OGDH: variants seen among roughly 807,000 people sequenced by gnomAD.
The protein encoded by OGDH is oxoglutarate dehydrogenase.
A neutral mutation model predicts 116.6 loss-of-function variants in OGDH; 38 were observed. That is an observed-to-expected ratio of 0.33 (90% CI 0.25 to 0.43). OGDH has a LOEUF of 0.43. Among genes scored for constraint, OGDH ranks in the 20% least tolerant of loss-of-function variants. OGDH has a pLI of 1.00. For missense variants in OGDH, 825 were observed against 1,357.2 expected, an observed-to-expected ratio of 0.61 and a Z score of 6.16; for synonymous variants, 488 against 533.3, an observed-to-expected ratio of 0.92 and a Z score of 1.17.
Position 44,645,338 on chromosome 7 carries a change from T to C in OGDH, c.234T>C (p.Ile78=). ...TTCTTTGTCTTTAGTCATGGGACATTTTTTTTCGCAACACGAATGCCGGAG... is the reference window on the plus strand; with the variant it reads ...TTCTTTGTCTTTAGTCATGGGACATCTTTTTTCGCAACACGAATGCCGGAG... ...NPKSVHKSWD[I]FFRNTNAGAP... The change falls in exon 3 of 23, where the codon ATT becomes ATC. Residue 78 remains isoleucine, a synonymous_variant. Transcript: ENST00000222673. The C allele has an allele frequency of 6.2e-7, 1 of 1,614,010 alleles. No homozygotes were observed. The highest frequency in any genetic ancestry group is 1.3e-5 in the African/African-American group (1 of 75,030).
intron 9 of OGDH, among the ~76,000 whole-genome samples, chr7:44,679,584 G>A (rs1787842960): frequency 6.6e-6 from 1 of 152,212 alleles, no homozygotes; most frequent in Admixed American, 6.5e-5. Context: ...GTAGGCTGAG[G>A]ACACAGCAGG....
chr7:44,633,601 C>T (rs1785540140), intron 2 of OGDH, among the ~76,000 whole-genome samples: 1 of 152,228 alleles, frequency 6.6e-6, no homozygotes, highest in Admixed American at 6.5e-5. Flanking sequence ...ATTCTCATAT[C>T]TCTTCGCGTC....
intron 20 of OGDH, among the ~76,000 whole-genome samples, chr7:44,703,421 AC>A (rs974445003): frequency 7.3e-4 from 110 of 150,058 alleles, no homozygotes; most frequent in African/African-American, 2.7e-3. Context: ...ACAAAACAAA[AC>A]AAAAAAGACT....
intron 2 of OGDH, among the ~76,000 whole-genome samples, chr7:44,635,373 T>C (rs1379044316): frequency 6.6e-6 from 1 of 152,170 alleles, no homozygotes; most frequent in Non-Finnish European, 1.5e-5. Flanking sequence ...CATCAACTTA[T>C]CAGCTGTGCG....
chr7:44,661,561 A>G (rs1585310677), intron 4 of OGDH, among the ~76,000 whole-genome samples: 1 of 151,662 alleles, frequency 6.6e-6, no homozygotes, highest in Non-Finnish European at 1.5e-5. Flanking sequence ...TTTTAAACCC[A>G]CATTTAAAAA....
chr7:44,673,721 C>A, intron 5 of OGDH, 66 bp from the exon 6 acceptor site: 5 of 1,511,676 alleles, frequency 3.3e-6, no homozygotes, highest in South Asian at 2.3e-5. Flanking sequence ...AATGGGCAGT[C>A]GGCAGTCTTC....
At chr7:44,616,575 A>G (rs376064776) in intron 1 of OGDH, among the ~76,000 whole-genome samples, 2 of 151,320 alleles carry the variant, frequency 1.3e-5, no homozygotes, top group Non-Finnish European at 2.9e-5. Flanking sequence ...TGAACTTTTT[A>G]TATCACTAGT....
intron 1 of OGDH, among the ~76,000 whole-genome samples, chr7:44,612,800 A>G (rs1387474636): frequency 6.6e-6 from 1 of 152,018 alleles, no homozygotes; most frequent in African/African-American, 2.4e-5. Flanking sequence ...GGCTCAAGCA[A>G]TCTTGCTACT....
Position 44,707,127 on chromosome 7 carries a change from C to T in OGDH, c.2633-98C>T, listed in dbSNP as rs993774264. 8 of 1,285,258 alleles carry T rather than the reference C, an allele frequency of 6.2e-6. No homozygotes were observed. Among genetic ancestry groups the T allele is most frequent in the African/African-American group, 4.5e-5 (3 of 67,414 alleles). 79.6% of individuals were successfully genotyped at this position (1,285,258 alleles called of 1,614,324 possible). A position where few individuals can be genotyped will look rare whatever the true frequency, so the allele number is the denominator to read the frequency against. On this transcript the variant is annotated intron_variant, in intron 20 of 22. Coordinates refer to ENST00000222673, the MANE Select transcript of OGDH (RefSeq NM_002541.4). The surrounding 1 kb of genome is among the most constrained non-coding windows in gnomAD (Gnocchi z 5.2). ...AAGCATCTCTAACCCTTGAAAGCTG[C>T]GTCTCCTGGCAGCAGTCCCTGGCAC...
Position 44,692,420 on chromosome 7 carries a change from C to G in OGDH, c.1336-1405C>G, listed in dbSNP as rs553374469. On this transcript the variant is annotated intron_variant, in intron 10 of 22. Transcript: ENST00000222673. ...AAACTGCAAAGTTACCAACAAGCCT[C>G]AGAAGATACTATATACTGTTTACGG... 7.9e-5 allele frequency among the ~76,000 whole-genome samples: 12 copies of G among 152,314 alleles called. No individual in the cohort carries two copies. In the South Asian group the frequency reaches 2.5e-3, roughly 32 times the overall value.
intron 3 of OGDH, among the ~76,000 whole-genome samples, chr7:44,646,225 A>G (rs1786175465): frequency 6.6e-6 from 1 of 152,216 alleles, no homozygotes; most frequent in South Asian, 2.1e-4. Flanking sequence ...GAGACAAGTG[A>G]GCCTGGTGCT....
intron 10 of OGDH, among the ~76,000 whole-genome samples, chr7:44,691,300 G>A (rs974266626): frequency 3.3e-5 from 5 of 152,064 alleles, no homozygotes; most frequent in Non-Finnish European, 7.4e-5. Flanking sequence ...AAGGCAAGAG[G>A]ATTGCTTGAG....
chr7:44,607,839 T>C (rs139313427), intron 1 of OGDH, among the ~76,000 whole-genome samples: 1,612 of 152,122 alleles, frequency 0.011, 28 homozygotes, highest in African/African-American at 0.037. Flanking sequence ...GTAGCTGATA[T>C]TACAGGCACG....
chr7:44,653,624 C>T (rs1460768009), intron 4 of OGDH, among the ~76,000 whole-genome samples: 3 of 151,618 alleles, frequency 2.0e-5, no homozygotes, highest in East Asian at 2.0e-4. Context: ...CTTCCAGATT[C>T]AACCAATTCT....
At chr7:44,620,289 G>GA (rs1784963041) in intron 1 of OGDH, among the ~76,000 whole-genome samples, 1 of 152,250 alleles carries the variant, frequency 6.6e-6, no homozygotes, top group African/African-American at 2.4e-5. Flanking sequence ...CTAAAGCACT[G>GA]AGATTACAGG....
In OGDH at chr7:44,708,034, C is replaced by T; in HGVS notation, c.*35C>T. 1 of 1,602,112 alleles carries T rather than the reference C, an allele frequency of 6.2e-7. No individual in the cohort carries two copies. Among genetic ancestry groups the T allele is most frequent in the Non-Finnish European group, 8.5e-7 (1 of 1,176,222 alleles). ...AGGGTTGCTTGGGCCACTGCCCTCTCCACACCCATGACTGCCCCTTGCTTC... is the reference window on the plus strand; with the variant it reads ...AGGGTTGCTTGGGCCACTGCCCTCTTCACACCCATGACTGCCCCTTGCTTC... On this transcript the variant is annotated 3_prime_UTR_variant, in exon 23 of 23. Transcript: ENST00000222673.
chr7:44,644,728 G>C (rs1348757945), intron 2 of OGDH, among the ~76,000 whole-genome samples: 1 of 152,216 alleles, frequency 6.6e-6, no homozygotes, highest in African/African-American at 2.4e-5. Context: ...TGTGGGGTTA[G>C]TGCTGCCTCT....
At chr7:44,624,291 G>GT (rs200113572) in intron 1 of OGDH, 26 bp from the exon 2 acceptor site, 30,945 of 758,276 alleles carry the variant, frequency 0.041, 1,933 homozygotes, top group Non-Finnish European at 0.043. Context: ...TTTCTTTCTT[G>GT]TTTTTTTTTT....
At chr7:44,671,327 C>T (rs901072978) in intron 5 of OGDH, among the ~76,000 whole-genome samples, 2 of 152,062 alleles carry the variant, frequency 1.3e-5, no homozygotes, top group African/African-American at 4.8e-5. Context: ...AGAGCAAGAA[C>T]CCACTCACCT....
Sources: gnomAD v4.1 joint callset for allele counts (sites outside exome capture counted in the v4.1 genomes callset) on GRCh38, gnomAD v4.1.1 for gene constraint, Gnocchi (gnomAD v3.1) non-coding constraint, MANE v1.5 for transcripts, NCBI Gene and HGNC (gene_info 2026-07-23, HGNC 2026-07-21) for gene names.